Variants in KIF6 observed in about 807,000 individuals in gnomAD.
KIF6 encodes kinesin family member 6.
In KIF6, 106 loss-of-function variants were observed where a neutral mutation model predicts 112.7. That is an observed-to-expected ratio of 0.94 (90% CI 0.80 to 1.11). The LOEUF is 1.11. Ranked by LOEUF, KIF6 falls within the 50% of genes least tolerant of loss-of-function variation. The probability of loss-of-function intolerance (pLI) is 0.00; values close to 1 mark genes in which losing one functional copy is unlikely to be tolerated. For missense variants in KIF6, 929 were observed against 964.0 expected, an observed-to-expected ratio of 0.96 and a Z score of 0.48; for synonymous variants, 339 against 339.9, an observed-to-expected ratio of 1.00 and a Z score of 0.03.
chr6:39,463,771 T>G (rs534864953), intron 13 of KIF6, among the ~76,000 whole-genome samples: 2 of 152,184 alleles, frequency 1.3e-5, no homozygotes, highest in African/African-American at 2.4e-5. Flanking sequence ...AAATAAAAAT[T>G]CCAAATCTTG....
At chr6:39,680,927 G>A (rs945662658) in intron 3 of KIF6, among the ~76,000 whole-genome samples, 1 of 152,168 alleles carries the variant, frequency 6.6e-6, no homozygotes, top group Non-Finnish European at 1.5e-5. Flanking sequence ...TATGGTCAGT[G>A]TACAGGACAC....
chr6:39,545,723 G>T, intron 10 of KIF6, 35 bp from the exon 11 acceptor site: 2 of 1,354,348 alleles, frequency 1.5e-6, no homozygotes, highest in African/African-American at 1.4e-5. Flanking sequence ...GCAACTGTGA[G>T]CTAGAAGCTT....
chr6:39,357,751 G>C (rs1248961829), intron 18 of KIF6, among the ~76,000 whole-genome samples: 1 of 152,072 alleles, frequency 6.6e-6, no homozygotes, highest in Non-Finnish European at 1.5e-5. Flanking sequence ...ACCCGGCCTT[G>C]ATGTAATTCT....
rs372958428 is a variant in KIF6, at chr6:39,543,368, T to TTG, written c.1426+1185_1426+1186dup. ...ATGGGCAGCACTGACGGATGAAGGC[T>TTG]TGTGTGTGTGTGTGTGGGTGGGGGG... On this transcript the variant is annotated intron_variant, in intron 12 of 22. Transcript: ENST00000287152. Among the ~76,000 whole-genome samples the TTG allele has an allele frequency of 7.2e-3, 1,083 of 150,552 alleles. 10 individuals carry two copies. The highest frequency in any genetic ancestry group is 0.023 in the African/African-American group (938 of 41,172).
At chr6:39,659,233 C>T (rs1288971622) in intron 3 of KIF6, among the ~76,000 whole-genome samples, 2 of 152,096 alleles carry the variant, frequency 1.3e-5, no homozygotes, top group African/African-American at 4.8e-5. Context: ...TAGCAATTTC[C>T]CAACAGTTAC....
chr6:39,432,709 C>T (rs1237478327), intron 13 of KIF6, among the ~76,000 whole-genome samples: 2 of 152,336 alleles, frequency 1.3e-5, no homozygotes, highest in African/African-American at 2.4e-5. Context: ...CATTGAGGGG[C>T]ACGTTTCACC....
intron 5 of KIF6, among the ~76,000 whole-genome samples, chr6:39,622,417 T>C (rs1783879556): frequency 6.6e-6 from 1 of 152,226 alleles, no homozygotes; most frequent in Admixed American, 6.5e-5. Flanking sequence ...TCTTTTCTTT[T>C]ATTTCTGTAC....
chr6:39,689,770 A>G (rs1356537577), intron 3 of KIF6, among the ~76,000 whole-genome samples: 1 of 151,928 alleles, frequency 6.6e-6, no homozygotes, highest in Non-Finnish European at 1.5e-5. Context: ...ATGCTAAGCT[A>G]ATTTTTAAAA....
chr6:39,507,817 TACCACTTG>T (rs1470516772), intron 13 of KIF6, among the ~76,000 whole-genome samples: 1 of 150,460 alleles, frequency 6.6e-6, no homozygotes, highest in Non-Finnish European at 1.5e-5. Flanking sequence ...GGCCATCTCC[TACCACTTG>T]ACCACTTGAT....
intron 10 of KIF6, among the ~76,000 whole-genome samples, chr6:39,558,332 G>A (rs1779832893): frequency 3.9e-5 from 6 of 152,104 alleles, no homozygotes. Flanking sequence ...AGGCTATCAG[G>A]AACCAGGTGT....
At chr6:39,550,642 A>G (rs1779322146) in intron 10 of KIF6, among the ~76,000 whole-genome samples, 1 of 152,220 alleles carries the variant, frequency 6.6e-6, no homozygotes, top group Admixed American at 6.5e-5. Context: ...TCTTAGCTCA[A>G]CTGTCTCCTC....
At chr6:39,684,635 C>T (rs1449556863) in intron 3 of KIF6, among the ~76,000 whole-genome samples, 3 of 127,936 alleles carry the variant, frequency 2.3e-5, no homozygotes, top group African/African-American at 8.3e-5. Flanking sequence ...AAAAAAAATA[C>T]AAAAATTAGC....
At chr6:39,593,853 T>G (rs1173771380) in intron 7 of KIF6, among the ~76,000 whole-genome samples, 7 of 152,192 alleles carry the variant, frequency 4.6e-5, no homozygotes, top group Non-Finnish European at 7.3e-5. Context: ...GATACCCTGC[T>G]ACAAGCTCCT....
At chr6:39,617,717 A>G in intron 5 of KIF6, 1 of 455,482 alleles carries the variant, frequency 2.2e-6, no homozygotes, top group South Asian at 1.6e-5. Flanking sequence ...AATAAGTGAC[A>G]TAAAGGTGAC....
intron 16 of KIF6, among the ~76,000 whole-genome samples, chr6:39,384,623 C>G (rs941595283): frequency 9.2e-5 from 14 of 152,114 alleles, no homozygotes; most frequent in African/African-American, 3.1e-4. Flanking sequence ...CCTAATAATA[C>G]AAATTACCAA....
rs1247468242 is a variant in KIF6 at position 39,460,290 on chromosome 6, C to T, written c.1646-29129G>A. Among the ~76,000 whole-genome samples the T allele has an allele frequency of 7.7e-5, 9 of 116,528 alleles. No homozygotes were observed. In the South Asian group the frequency reaches 1.3e-3, roughly 17 times the overall value. The allele number at this position is 116,528 out of a possible 152,430, so 76.4% of individuals were successfully genotyped here. On this transcript the variant is annotated intron_variant, in intron 13 of 22. Transcript: ENST00000287152. ...ATCGCAAGAACAAAAAACCAAACAC[C>T]GCATATTCTCACTCATAGGTGGGAA...
chr6:39,625,082 C>A (rs922622926), intron 5 of KIF6, among the ~76,000 whole-genome samples: 1 of 140,450 alleles, frequency 7.1e-6, no homozygotes, highest in Admixed American at 7.2e-5. Flanking sequence ...CAACAGTCTG[C>A]AAGCCAGGAA....
rs775878209 is a variant in KIF6, at chr6:39,342,353, G to A, written c.2428+1356C>T. Among the ~76,000 whole-genome samples the A allele has an allele frequency of 3.9e-5, 6 of 152,132 alleles. No individual in the cohort carries two copies. The South Asian group carries it at 6.2e-4, about 16-fold the overall frequency. ...TTATTATCCCCTCAAACAATCTTAC[G>A]TATTTGTCGACGTGTTCATTGTCTG... On this transcript the variant is annotated intron_variant, in intron 22 of 22. Coordinates refer to ENST00000287152, the MANE Select transcript of KIF6 (RefSeq NM_145027.6). This position sits in a 1 kb window ranked among gnomAD's most constrained non-coding sequence, Gnocchi z 4.7.
intron 13 of KIF6, among the ~76,000 whole-genome samples, chr6:39,527,478 C>T (rs1279646227): frequency 6.6e-6 from 1 of 152,140 alleles, no homozygotes; most frequent in Non-Finnish European, 1.5e-5. Flanking sequence ...CAACTATCAC[C>T]ATAGCCCCTT....
Sources: allele counts gnomAD v4.1 joint callset (sites outside exome capture counted in the v4.1 genomes callset), GRCh38; gene constraint gnomAD v4.1.1; non-coding constraint Gnocchi (gnomAD v3.1); transcripts MANE v1.5; gene names NCBI Gene and HGNC (gene_info 2026-07-23, HGNC 2026-07-21).